Variants in YTHDC2 observed in about 807,000 individuals in gnomAD.
YTHDC2 encodes YTH N6-methyladenosine RNA binding protein C2, also known as 3'-5' RNA helicase YTHDC2.
Under a neutral mutation model 174.9 loss-of-function variants are expected in YTHDC2, and 45 were observed. The observed-to-expected ratio is 0.26, with a 90% CI of 0.20 to 0.33. The LOEUF (loss-of-function observed/expected upper bound fraction) is 0.33. Among genes scored for constraint, YTHDC2 ranks in the 10% least tolerant of loss-of-function variants. YTHDC2 has a pLI of 1.00. For synonymous variants in YTHDC2, 657 were observed against 574.5 expected, an observed-to-expected ratio of 1.14 and a Z score of -2.05; for missense variants, 1,650 against 1,723.7, an observed-to-expected ratio of 0.96 and a Z score of 0.76.
intron 1 of YTHDC2, 99 bp downstream of exon 1, chr5:113,514,181 A>G (rs1773230774): frequency 4.2e-6 from 6 of 1,438,138 alleles, no homozygotes; most frequent in Non-Finnish European, 5.7e-6. Context: ...GTGCCTCCGA[A>G]GAGGGAGGGA....
chr5:113,538,519 A>G (rs553724518), intron 7 of YTHDC2, among the ~76,000 whole-genome samples: 1 of 152,246 alleles, frequency 6.6e-6, no homozygotes, highest in South Asian at 2.1e-4. Context: ...CCTTTCTAGC[A>G]CAGGGACTTT....
At position 113,564,040 on chromosome 5, in the gene YTHDC2, A is replaced by C; in HGVS notation, c.2624A>C (p.Gln875Pro). 6.2e-7 allele frequency: 1 copy of C among 1,614,104 alleles called. No homozygotes were observed. Among genetic ancestry groups the C allele is most frequent in the African/African-American group, 1.3e-5 (1 of 75,030 alleles). Residue 875 changes from glutamine (Q) to proline (P), a missense_variant, in exon 20 of 30, where the codon CAG becomes CCG. Transcript: ENST00000161863. ...CGAGATCCTTTTGTACTACCTACTC[A>C]GGCCTCTCAAAAACGTGCAGCTATG... is the stretch of plus-strand genomic sequence containing the variant. ...AYRDPFVLPTQASQKRAAMLC... is the reference protein window; with the variant it reads ...AYRDPFVLPTPASQKRAAMLC...
At position 113,542,434 on chromosome 5, in the gene YTHDC2, A is replaced by C; in HGVS notation, c.1426A>C (p.Ile476Leu). Residue 476 changes from isoleucine to leucine, a missense_variant, in exon 10 of 30, where the codon ATA becomes CTA. Physicochemically the swap from Ile to Leu is conservative, Grantham distance 5 (BLOSUM62 2). Transcript: ENST00000161863. ...GGAAATGGATGCTTGCCTTTCTGAT[A>C]TATGGCTACATAAAGATATTGATGC... ...IKEMDACLSD[I>L]WLHKDIDAFA... The C allele has an allele frequency of 1.9e-6, 3 of 1,613,074 alleles. No individual in the cohort carries two copies. Among genetic ancestry groups the C allele is most frequent in the Non-Finnish European group, 2.5e-6 (3 of 1,179,612 alleles).
chr5:113,552,711 T>C (rs902265385), intron 12 of YTHDC2, among the ~76,000 whole-genome samples: 6 of 152,122 alleles, frequency 3.9e-5, no homozygotes, highest in African/African-American at 1.4e-4. Flanking sequence ...GGTAACTCTA[T>C]GTTTAACCTT....
chr5:113,571,134 A>T (rs1777689921), intron 23 of YTHDC2, among the ~76,000 whole-genome samples: 1 of 152,166 alleles, frequency 6.6e-6, no homozygotes, highest in Non-Finnish European at 1.5e-5. Flanking sequence ...AATAGCTCTT[A>T]TTATTTTGAG....
intron 12 of YTHDC2, among the ~76,000 whole-genome samples, chr5:113,549,241 A>G (rs1449635168): frequency 1.3e-5 from 2 of 152,182 alleles, no homozygotes; most frequent in Non-Finnish European, 2.9e-5. Flanking sequence ...GGTAGGTACA[A>G]CATAAGTATC....
rs1053033010 is a variant in YTHDC2 at position 113,538,597 on chromosome 5, A to G, written c.1103-477A>G. 1.1e-4 allele frequency among the ~76,000 whole-genome samples: 17 copies of G among 150,732 alleles called. No homozygotes were observed. In the Admixed American group the frequency reaches 1.1e-3, roughly 10 times the overall value. On this transcript the variant is annotated intron_variant, in intron 7 of 29. Transcript: ENST00000161863. Reference sequence around the variant, plus strand: ...TTCATATGGCTTTGTTATTTTGTTTATCTTCTTGTTTCTCATTTTCTTAGT... The same window carrying G: ...TTCATATGGCTTTGTTATTTTGTTTGTCTTCTTGTTTCTCATTTTCTTAGT...
At chr5:113,579,772 T>G in intron 24 of YTHDC2, 77 bp downstream of exon 24, 2 of 1,389,440 alleles carry the variant, frequency 1.4e-6, no homozygotes, top group East Asian at 2.7e-5. Flanking sequence ...GATAAAATTT[T>G]TTTCTTTACT....
intron 28 of YTHDC2, 172 bp downstream of exon 28, chr5:113,592,350 CTGAT>C (rs1225921956): frequency 3.9e-5 from 21 of 534,888 alleles, no homozygotes; most frequent in Non-Finnish European, 6.5e-5. Context: ...GTAAATGTGT[CTGAT>C]TGCTCCTTGC....
At chr5:113,535,902 C>A (rs75788587) in intron 7 of YTHDC2, 104 bp downstream of exon 7, 2 of 942,400 alleles carry the variant, frequency 2.1e-6, no homozygotes, top group Non-Finnish European at 3.0e-6. Context: ...TAGAGGCCAT[C>A]TATTACCGTT....
intron 8 of YTHDC2, among the ~76,000 whole-genome samples, chr5:113,539,471 G>C (rs140351140): frequency 1.1e-3 from 171 of 152,290 alleles, no homozygotes; most frequent in African/African-American, 3.9e-3. Context: ...TATGCTGGCT[G>C]CCCACAGCAT....
At position 113,588,597 on chromosome 5, in the gene YTHDC2, CATTT is replaced by C. The variant is rs139378923; in HGVS notation, c.3826-2417_3826-2414del. 4.0e-4 allele frequency among the ~76,000 whole-genome samples: 60 copies of C among 148,818 alleles called. No homozygotes were observed. The Middle Eastern group carries it at 0.01, about 26-fold the overall frequency. On this transcript the variant is annotated intron_variant, in intron 26 of 29. Transcript: ENST00000161863. The stretch of plus-strand genomic sequence containing the variant: ...ATTTGATAGAATTCACTTATGAAGC[CATTT>C]ATTTATTTATTTATTTATTTATTTA...
intron 26 of YTHDC2, 80 bp downstream of exon 26, chr5:113,584,559 A>G (rs1778574822): frequency 8.1e-7 from 1 of 1,232,826 alleles, no homozygotes; most frequent in Non-Finnish European, 1.1e-6. Context: ...TTGTAAAACA[A>G]TTAGAGTACT....
chr5:113,548,308 TCTC>T lies in YTHDC2; in HGVS notation c.1496-230_1496-228del, dbSNP rs1447346712. On this transcript the variant is annotated intron_variant, in intron 10 of 29. Coordinates refer to ENST00000161863, the MANE Select transcript of YTHDC2 (RefSeq NM_022828.5). Reference sequence around the variant, plus strand: ...AAACAGTTTAACATCGATCTTTCCTTCTCCTACCTTCCAACCAACAGTCTTTAT... The same window carrying T: ...AAACAGTTTAACATCGATCTTTCCTTCTACCTTCCAACCAACAGTCTTTAT... 2.0e-5 allele frequency among the ~76,000 whole-genome samples: 3 copies of T among 152,266 alleles called. No homozygotes were observed. In the East Asian group the frequency reaches 5.8e-4, roughly 29 times the overall value.
At chr5:113,527,348 G>T (rs1342176531) in intron 4 of YTHDC2, among the ~76,000 whole-genome samples, 1 of 152,154 alleles carries the variant, frequency 6.6e-6, no homozygotes, top group African/African-American at 2.4e-5. Context: ...TGCATTTTTA[G>T]AATCAAAGTA....
intron 24 of YTHDC2, chr5:113,580,021 C>T (rs1053805181): frequency 1.3e-5 from 10 of 780,966 alleles, no homozygotes; most frequent in African/African-American, 9.4e-5. Context: ...GTGCTGACGT[C>T]GGTTGAGGGC....
At chr5:113,536,144 A>T (rs1387897627) in intron 7 of YTHDC2, among the ~76,000 whole-genome samples, 1 of 152,226 alleles carries the variant, frequency 6.6e-6, no homozygotes, top group Non-Finnish European at 1.5e-5. Flanking sequence ...CACTTCTGAA[A>T]ATGCTAAAAC....
intron 17 of YTHDC2, 110 bp downstream of exon 17, chr5:113,556,244 T>G: frequency 1.9e-6 from 1 of 523,014 alleles, no homozygotes. Flanking sequence ...GTAGTTTTCA[T>G]GTTAAAATTT....
chr5:113,517,471 TA>T (rs1157727942), intron 2 of YTHDC2: 5 of 445,702 alleles, frequency 1.1e-5, no homozygotes, highest in African/African-American at 2.0e-5. Context: ...CATAGTCATG[TA>T]AGAGCTGATC....
Sources: allele counts gnomAD v4.1 joint callset (sites outside exome capture counted in the v4.1 genomes callset), GRCh38; gene constraint gnomAD v4.1.1; transcripts MANE v1.5; gene names NCBI Gene and HGNC (gene_info 2026-07-23, HGNC 2026-07-21).